The following SUN1 variants were observed in gnomAD, a reference collection of about 807,000 sequenced individuals.
SUN1 encodes the protein SUN domain-containing protein 1.
SUN1 carries 61 observed loss-of-function variants against 103.2 expected under a neutral mutation model. The observed-to-expected ratio is 0.59, with a 90% CI of 0.48 to 0.73. SUN1 has a LOEUF of 0.73. SUN1 is among the 30% of genes least tolerant of loss of function. The probability of loss-of-function intolerance (pLI) is 0.00; values close to 1 mark genes in which losing one functional copy is unlikely to be tolerated. For synonymous variants in SUN1, 490 were observed against 425.7 expected (o/e 1.15, Z -1.86); for missense variants, 1,052 against 1,034.6 (o/e 1.02, Z -0.23).
At chr7:859,573 A>G (rs1045763993) in intron 13 of SUN1, among the ~76,000 whole-genome samples, 2 of 152,092 alleles carry the variant, frequency 1.3e-5, no homozygotes, top group African/African-American at 4.8e-5. Context: ...CCACACGTGG[A>G]ATGTGGGAGG....
Position 870,710 on chromosome 7 carries a change from CTGAG to C in SUN1, c.2148+1196_2148+1199del, listed in dbSNP as rs557831964. Reference sequence around the variant, plus strand: ...GTTTATCTGGCCGCTTCTCCTCTCACTGAGTATTTCTTTCCCTTTTCCGCTTCCC... The same window carrying C: ...GTTTATCTGGCCGCTTCTCCTCTCACTATTTCTTTCCCTTTTCCGCTTCCC... On this transcript the variant is annotated intron_variant, in intron 17 of 18. Transcript: ENST00000401592. Among the ~76,000 whole-genome samples the C allele has an allele frequency of 1.2e-3, 183 of 152,290 alleles. 7 individuals are homozygous for C. In the South Asian group the frequency reaches 0.037, roughly 31 times the overall value.
intron 5 of SUN1, among the ~76,000 whole-genome samples, chr7:844,574 T>C (rs1396827969): frequency 1.3e-5 from 2 of 152,218 alleles, no homozygotes; most frequent in Admixed American, 6.5e-5. Flanking sequence ...TGTGGTGTTA[T>C]GGACACTGCT....
intron 16 of SUN1, chr7:868,429 C>G: frequency 3.5e-6 from 1 of 282,488 alleles, no homozygotes; most frequent in Non-Finnish European, 7.0e-6. Context: ...GCACCGTGGC[C>G]GGGTTAGGTT....
At chr7:873,189 G>A (rs765102300) in intron 18 of SUN1, 26 bp from the exon 19 acceptor site, 3 of 1,597,466 alleles carry the variant, frequency 1.9e-6, no homozygotes, top group South Asian at 1.1e-5. Context: ...AAATACATGT[G>A]TGTGTTTTTC....
chr7:853,841 G>C (rs1377619949), intron 10 of SUN1, among the ~76,000 whole-genome samples: 3 of 152,240 alleles, frequency 2.0e-5, no homozygotes, highest in Non-Finnish European at 4.4e-5. Context: ...CATGGAAGTG[G>C]TGGGCGGGAG....
chr7:856,601 T>G (rs1436099821), intron 12 of SUN1, among the ~76,000 whole-genome samples, 200 bp downstream of exon 12: 50 of 152,152 alleles, frequency 3.3e-4, no homozygotes, highest in South Asian at 6.2e-4. Flanking sequence ...CACATCCCCC[T>G]CCACGCGGCG....
intron 5 of SUN1, among the ~76,000 whole-genome samples, chr7:847,832 C>G (rs911735125): frequency 7.4e-6 from 1 of 135,716 alleles, no homozygotes; most frequent in Non-Finnish European, 1.6e-5. Context: ...GGGGGTTACC[C>G]CGCAGCGCCG....
chr7:859,982 TTAA>T, intron 13 of SUN1, 143 bp from the exon 14 acceptor site: 1 of 1,114,300 alleles, frequency 9.0e-7, no homozygotes, highest in Non-Finnish European at 1.2e-6. Context: ...GTTATTAAAT[TTAA>T]TATGAAGGAA....
upstream of SUN1, chr7:816,060 C>T: frequency 8.7e-6 from 2 of 229,430 alleles, no homozygotes; most frequent in South Asian, 4.0e-5. Context: ...CAAACCTCTC[C>T]CCAAGATGCG....
chr7:862,308 C>T (rs1047441520), intron 15 of SUN1, among the ~76,000 whole-genome samples: 4 of 152,160 alleles, frequency 2.6e-5, no homozygotes, highest in Non-Finnish European at 5.9e-5. Context: ...CTAAAACCCA[C>T]GATGATGTAG....
At chr7:848,518 G>T in intron 5 of SUN1, 1 of 1,363,958 alleles carries the variant, frequency 7.3e-7, no homozygotes, top group Non-Finnish European at 9.8e-7. Flanking sequence ...TGGTTTTAAT[G>T]AAGCTCAGTT....
rs200387385 is a variant in SUN1 at position 841,250 on chromosome 7, T to TC, written c.267-696_267-695insC. ...ACCTGGCCTATGACCACCTATTTTT[T>TC]TTTTTTTTTTTGAGCCGGAGTCTGG... On this transcript the variant is annotated intron_variant, in intron 2 of 18. Coordinates refer to ENST00000401592, the MANE Select transcript of SUN1 (RefSeq NM_001130965.3). Among the ~76,000 whole-genome samples, 983 of 148,018 alleles carry TC rather than the reference T, an allele frequency of 6.6e-3. 15 individuals carry two copies. Among genetic ancestry groups the TC allele is most frequent in the African/African-American group, 0.023 (923 of 40,048 alleles).
chr7:852,806 T>C lies in SUN1; in HGVS notation c.911-4T>C. On this transcript the variant is annotated splice_region_variant and splice_polypyrimidine_tract_variant and intron_variant, in intron 8 of 18. Coordinates refer to ENST00000401592, the MANE Select transcript of SUN1 (RefSeq NM_001130965.3). ...GTGTGTGTGTGGTGGCTCTTCTCTTTTAGCAGGTCTCTCCTTACGGGGCCA... is the reference window on the plus strand; with the variant it reads ...GTGTGTGTGTGGTGGCTCTTCTCTTCTAGCAGGTCTCTCCTTACGGGGCCA... 2 of 1,611,442 alleles carry C rather than the reference T, an allele frequency of 1.2e-6. No homozygotes were observed. The highest frequency in any genetic ancestry group is 8.5e-7 in the Non-Finnish European group (1 of 1,178,270).
intron 2 of SUN1, 24 bp downstream of exon 2, chr7:839,010 C>A: frequency 6.6e-7 from 1 of 1,513,150 alleles, no homozygotes. Flanking sequence ...CACTTCCTCT[C>A]CATCTGATCT....
chr7:817,294 C>T (rs1781592069), intron 1 of SUN1: 1 of 843,886 alleles, frequency 1.2e-6, no homozygotes, highest in African/African-American at 1.7e-5. Flanking sequence ...GTGGTCTCTC[C>T]ATGCTGCCCA....
upstream of SUN1, among the ~76,000 whole-genome samples, chr7:828,617 A>G (rs1389035011): frequency 1.3e-5 from 2 of 152,236 alleles, no homozygotes; most frequent in Admixed American, 6.5e-5. Context: ...GTTTGAAACC[A>G]AAGTTTGCAA....
At position 854,888 on chromosome 7, in the gene SUN1, C is replaced by T. The variant is rs758423951; in HGVS notation, c.1264-32C>T. 4.5e-6 allele frequency: 7 copies of T among 1,540,252 alleles called. No individual in the cohort carries two copies. The Middle Eastern group carries it at 5.1e-4, about 112-fold the overall frequency. ...CCAGGTTTTTGTTGCTTAACTTTCT[C>T]CATCATTTGTTCACTCCTTCTCTTT... On this transcript the variant is annotated intron_variant, in intron 10 of 18. Coordinates refer to ENST00000401592, the MANE Select transcript of SUN1 (RefSeq NM_001130965.3).
intron 5 of SUN1, among the ~76,000 whole-genome samples, chr7:849,269 C>A (rs1584785957): frequency 1.3e-5 from 2 of 152,342 alleles, no homozygotes; most frequent in South Asian, 2.1e-4. Flanking sequence ...CTATTTTAAG[C>A]AGGCCAATCT....
intron 9 of SUN1, 23 bp downstream of exon 9, chr7:852,975 C>G (rs1562711245): frequency 6.2e-7 from 1 of 1,601,800 alleles, no homozygotes; most frequent in African/African-American, 1.3e-5. Context: ...AAAGGCCTCT[C>G]AGCTGGCACT....
Sources: allele counts gnomAD v4.1 joint callset (sites outside exome capture counted in the v4.1 genomes callset), GRCh38; gene constraint gnomAD v4.1.1; transcripts MANE v1.5; gene names NCBI Gene and HGNC (gene_info 2026-07-23, HGNC 2026-07-21).